GLIS3: variants seen among roughly 807,000 people sequenced by gnomAD.
GLIS3 encodes zinc finger protein GLIS3.
A neutral mutation model predicts 78.6 loss-of-function variants in GLIS3; 53 were observed. That is an observed-to-expected ratio of 0.67 (90% CI 0.54 to 0.85). The LOEUF is 0.85. Ranked by LOEUF, GLIS3 falls within the 40% of genes least tolerant of loss-of-function variation. GLIS3 has a pLI of 0.00. For missense variants in GLIS3, 1,703 were observed against 1,231.1 expected (o/e 1.38, Z -5.74); for synonymous variants, 684 against 509.9 (o/e 1.34, Z -4.60).
chr9:4,161,214 A>G (rs1835453053), intron 2 of GLIS3, among the ~76,000 whole-genome samples: 1 of 152,174 alleles, frequency 6.6e-6, no homozygotes, highest in South Asian at 2.1e-4. Flanking sequence ...CCAAGGCTGC[A>G]GTGAGCCATG....
rs1431527364 is a variant in GLIS3 at position 4,178,884 on chromosome 9, ATAAAT to A, written c.389-52948_389-52944del. On this transcript the variant is annotated intron_variant, in intron 2 of 10. Transcript: ENST00000381971. ...ATAAACATTAGTTATTTAAATATTAATAAATTAAAAAATTTGAAGAAGGGGTTTTA... is the reference window on the plus strand; with the variant it reads ...ATAAACATTAGTTATTTAAATATTAATAAAAAATTTGAAGAAGGGGTTTTA... 2.6e-5 allele frequency among the ~76,000 whole-genome samples: 4 copies of A among 152,218 alleles called. No homozygotes were observed. In the East Asian group the frequency reaches 7.7e-4, roughly 29 times the overall value.
chr9:4,200,362 CA>C (rs1485319578), intron 2 of GLIS3, among the ~76,000 whole-genome samples: 3 of 151,500 alleles, frequency 2.0e-5, no homozygotes, highest in Admixed American at 2.0e-4. Context: ...TCAGCAAAAT[CA>C]AAAGTTGTTT....
intron 2 of GLIS3, among the ~76,000 whole-genome samples, chr9:4,227,132 A>G (rs562660777): frequency 6.6e-6 from 1 of 152,242 alleles, no homozygotes; most frequent in East Asian, 1.9e-4. Flanking sequence ...AGAAGGAGGC[A>G]CTGGAGCCTC....
chr9:4,417,933 A>G, the GLIS3 span, among the ~76,000 whole-genome samples: 4 of 152,152 alleles, frequency 2.6e-5, no homozygotes, highest in African/African-American at 9.7e-5. Flanking sequence ...GGGGTTGGGG[A>G]ACAATTGATA....
rs770259899 is a variant in GLIS3 at position 3,879,511 on chromosome 9, G to A, written c.2213C>T (p.Ser738Phe). 8 of 1,614,136 alleles carry A rather than the reference G, an allele frequency of 5.0e-6. No individual in the cohort carries two copies. In the South Asian group the frequency reaches 8.8e-5, roughly 18 times the overall value. ...GCTCCCCTGTACATTATGTCCTGGA[G>A]AAGGGTGACTGACAGGATGTGGGGG... ...VPPPHPVSHP[S>F]PGHNVQGSPH... Residue 738 changes from serine to phenylalanine, a missense_variant, in exon 8 of 11, where the codon TCT becomes TTT. By Grantham distance (155) the Ser-to-Phe change is radical. Coordinates refer to ENST00000381971, the MANE Select transcript of GLIS3 (RefSeq NM_001042413.2).
At chr9:4,012,348 T>C (rs1190853799) in intron 4 of GLIS3, among the ~76,000 whole-genome samples, 1 of 152,180 alleles carries the variant, frequency 6.6e-6, no homozygotes, top group Non-Finnish European at 1.5e-5. Flanking sequence ...TCAATGTACA[T>C]TTTGAAGAAC....
intron 4 of GLIS3, among the ~76,000 whole-genome samples, chr9:4,093,003 T>C (rs1459756417): frequency 6.6e-6 from 1 of 152,202 alleles, no homozygotes; most frequent in African/African-American, 2.4e-5. Context: ...CAGTAGGTGA[T>C]AGGAATTTTT....
chr9:4,450,627 C>T, the GLIS3 span, among the ~76,000 whole-genome samples: 8 of 152,084 alleles, frequency 5.3e-5, no homozygotes, highest in African/African-American at 1.9e-4. Flanking sequence ...AAAGGGAGGC[C>T]CATCAGACTA....
chr9:4,058,823 T>C (rs4741884), intron 4 of GLIS3, among the ~76,000 whole-genome samples: 41,666 of 151,438 alleles, frequency 0.28, 6,480 homozygotes, highest in East Asian at 0.37. Context: ...TACTAAAAAA[T>C]ACAAAAAAAT....
chr9:4,280,510 CAAA>C (rs906065353), intron 2 of GLIS3, among the ~76,000 whole-genome samples: 1 of 150,670 alleles, frequency 6.6e-6, no homozygotes, highest in Non-Finnish European at 1.5e-5. Flanking sequence ...AGGCAAAATG[CAAA>C]AAAAAGTTAA....
chr9:4,121,554 A>G (rs189026951), intron 3 of GLIS3, among the ~76,000 whole-genome samples: 1 of 152,080 alleles, frequency 6.6e-6, no homozygotes, highest in East Asian at 1.9e-4. Flanking sequence ...AGTTAAGTAA[A>G]CTGGATTTTA....
intron 6 of GLIS3, among the ~76,000 whole-genome samples, chr9:3,923,258 C>A (rs777902482): frequency 1.4e-4 from 21 of 152,166 alleles, no homozygotes; most frequent in Non-Finnish European, 2.8e-4. Context: ...ATGTTTAACA[C>A]CTTAGCAGGG....
chr9:3,973,287 G>C (rs1486110360), intron 4 of GLIS3, among the ~76,000 whole-genome samples: 1 of 152,048 alleles, frequency 6.6e-6, no homozygotes, highest in Non-Finnish European at 1.5e-5. Context: ...GTTTTTATTA[G>C]GGCTCCATTG....
intron 4 of GLIS3, among the ~76,000 whole-genome samples, chr9:3,986,111 G>A (rs938826772): frequency 6.6e-6 from 1 of 152,198 alleles, no homozygotes; most frequent in African/African-American, 2.4e-5. Context: ...ACTACAAAAT[G>A]CATTTTCAAT....
chr9:4,195,577 C>T (rs1289442342), intron 2 of GLIS3, among the ~76,000 whole-genome samples: 1 of 152,262 alleles, frequency 6.6e-6, no homozygotes, highest in Non-Finnish European at 1.5e-5. Flanking sequence ...GCCCGAGCTC[C>T]CCTCCACGGG....
At chr9:4,230,890 C>T (rs540170313) in intron 2 of GLIS3, among the ~76,000 whole-genome samples, 2 of 152,106 alleles carry the variant, frequency 1.3e-5, no homozygotes, top group Admixed American at 1.3e-4. Context: ...TTTCATAGAA[C>T]AGTCATACAA....
At chr9:4,254,538 G>C (rs1481921767) in intron 2 of GLIS3, among the ~76,000 whole-genome samples, 1 of 152,074 alleles carries the variant, frequency 6.6e-6, no homozygotes, top group Non-Finnish European at 1.5e-5. Context: ...AAACATTTTG[G>C]GAACAAAAAG....
chr9:4,362,842 G>T, the GLIS3 span, among the ~76,000 whole-genome samples: 2 of 152,134 alleles, frequency 1.3e-5, no homozygotes, highest in African/African-American at 4.8e-5. Context: ...GAGAACAATG[G>T]GGGAGGCATT....
chr9:4,438,821 G>A, the GLIS3 span, among the ~76,000 whole-genome samples: 1 of 152,054 alleles, frequency 6.6e-6, no homozygotes, highest in Admixed American at 6.6e-5. Flanking sequence ...TGACATAATT[G>A]TGAGAACTCC....
Sources: gnomAD v4.1 joint callset for allele counts (sites outside exome capture counted in the v4.1 genomes callset) on GRCh38, gnomAD v4.1.1 for gene constraint, MANE v1.5 for transcripts, NCBI Gene and HGNC (gene_info 2026-07-23, HGNC 2026-07-21) for gene names.